Variants in MCPH1 observed in about 807,000 individuals in gnomAD.
MCPH1 encodes the protein microcephalin 1.
A neutral mutation model predicts 84.5 loss-of-function variants in MCPH1; 104 were observed. The ratio of observed to expected loss-of-function variants is 1.23; its 90% CI spans 1.05 to 1.45. MCPH1 has a LOEUF of 1.45. MCPH1 is among the 40% of genes most tolerant of loss of function. The probability of loss-of-function intolerance (pLI) is 0.00; values close to 1 mark genes in which losing one functional copy is unlikely to be tolerated. For synonymous variants in MCPH1, 514 were observed against 366.8 expected (o/e 1.40, Z -4.58); for missense variants, 1,498 against 1,005.7 (o/e 1.49, Z -6.62).
intron 10 of MCPH1, among the ~76,000 whole-genome samples, chr8:6,479,055 A>G (rs1808841535): frequency 2.0e-5 from 3 of 152,226 alleles, no homozygotes; most frequent in South Asian, 4.1e-4. Context: ...GTTTGAGCCT[A>G]GGAGTTCAAG....
chr8:6,523,006 T>C (rs73199054), intron 12 of MCPH1, among the ~76,000 whole-genome samples: 11,392 of 152,074 alleles, frequency 0.075, 507 homozygotes, highest in African/African-American at 0.12. Flanking sequence ...GTTTTTTTTT[T>C]TCTTTTTTTG....
At chr8:6,582,976 T>TTCTGCACGTACTTAC (rs1302651111) in intron 12 of MCPH1, among the ~76,000 whole-genome samples, 2 of 152,226 alleles carry the variant, frequency 1.3e-5, no homozygotes, top group Non-Finnish European at 1.5e-5. Flanking sequence ...TCTTCTGAAG[T>TTCTGCACGTACTTAC]TCTGCACGTA....
In MCPH1 at chr8:6,547,251, G is replaced by A. The variant is rs185634394; in HGVS notation, c.2214+47322G>A. Among the ~76,000 whole-genome samples the A allele has an allele frequency of 1.9e-3, 289 of 152,160 alleles. 2 individuals are homozygous for A. Among genetic ancestry groups the A allele is most frequent in the Non-Finnish European group, 3.3e-3 (223 of 67,996 alleles). On this transcript the variant is annotated intron_variant, in intron 12 of 13. Coordinates refer to ENST00000344683, the MANE Select transcript of MCPH1 (RefSeq NM_024596.5). ...TTACTTGCATGCCACAGCAATTCGG[G>A]AAGTAAACTTTCAGTGTGATTCTCC...
chr8:6,446,112 G>C (rs116567694), intron 8 of MCPH1: 4 of 968,002 alleles, frequency 4.1e-6, no homozygotes, highest in Non-Finnish European at 4.9e-6. Flanking sequence ...AACAAGCCTT[G>C]TTTAACTTGT....
chr8:6,428,972 G>C (rs1801454369), intron 3 of MCPH1, among the ~76,000 whole-genome samples: 1 of 152,160 alleles, frequency 6.6e-6, no homozygotes, highest in South Asian at 2.1e-4. Flanking sequence ...ATTATCTAGT[G>C]ACTTTCTGAT....
chr8:6,523,210 G>A (rs2922892), intron 12 of MCPH1, among the ~76,000 whole-genome samples: 11,578 of 152,014 alleles, frequency 0.076, 525 homozygotes, highest in African/African-American at 0.12. Context: ...TGTTAGCCAG[G>A]GTGGTCTCGA....
At chr8:6,527,840 C>G (rs1009654922) in intron 12 of MCPH1, among the ~76,000 whole-genome samples, 2 of 151,236 alleles carry the variant, frequency 1.3e-5, no homozygotes, top group Admixed American at 1.3e-4. Flanking sequence ...AGAAAAGGCT[C>G]AATGTCTTAG....
At position 6,445,885 on chromosome 8, in the gene MCPH1, G is replaced by A. The variant is rs557607043; in HGVS notation, c.1825+338G>A. On this transcript the variant is annotated intron_variant, in intron 8 of 13. Transcript: ENST00000344683. The stretch of plus-strand genomic sequence containing the variant: ...TCCATTGGAGTCTTGGCGCTGCAGC[G>A]TGTGTAAAGATGTATACGATAGAGA... The A allele has an allele frequency of 1.7e-3, 1,764 of 1,049,976 alleles. 3 individuals carry two copies. The highest frequency in any genetic ancestry group is 1.9e-3 in the Non-Finnish European group (1,681 of 871,596). The allele number at this position is 1,049,976 out of a possible 1,614,324, so 65.0% of individuals were successfully genotyped here. A position where few individuals can be genotyped will look rare whatever the true frequency, so the allele number is the denominator to read the frequency against.
intron 3 of MCPH1, among the ~76,000 whole-genome samples, chr8:6,421,562 TG>T (rs1800204914): frequency 6.6e-6 from 1 of 152,074 alleles, no homozygotes; most frequent in Admixed American, 6.6e-5. Flanking sequence ...AAAATTCAAA[TG>T]TTTACTATTT....
At chr8:6,586,922 G>C (rs1030215592) in intron 12 of MCPH1, among the ~76,000 whole-genome samples, 1 of 152,174 alleles carries the variant, frequency 6.6e-6, no homozygotes, top group Non-Finnish European at 1.5e-5. Flanking sequence ...CTTCCTTTCT[G>C]ATGGAAACAG....
At position 6,621,913 on chromosome 8, in the gene MCPH1, C is replaced by A. The variant is rs373210250; in HGVS notation, c.2452+222C>A. Reference sequence around the variant, plus strand: ...GTTCACGAGGAAATGGGAACTCTAACTGGACTTCCCCACTTGACTTCCCTG... The same window carrying A: ...GTTCACGAGGAAATGGGAACTCTAAATGGACTTCCCCACTTGACTTCCCTG... On this transcript the variant is annotated intron_variant, in intron 13 of 13. Transcript: ENST00000344683. 9.9e-5 allele frequency among the ~76,000 whole-genome samples: 15 copies of A among 152,212 alleles called. No individual in the cohort carries two copies. In the East Asian group the frequency reaches 1.3e-3, roughly 14 times the overall value.
rs1204171280 is a variant in MCPH1, at chr8:6,568,243, A to ATCGCTAGCTGAATGTGGAATGTGGACCCC, written c.2215-53183_2215-53182insCTCGCTAGCTGAATGTGGAATGTGGACCC. Among the ~76,000 whole-genome samples the ATCGCTAGCTGAATGTGGAATGTGGACCCC allele has an allele frequency of 2.8e-4, 33 of 118,338 alleles. 1 individual carries two copies. The highest frequency in any genetic ancestry group is 1.4e-3 in the African/African-American group (32 of 22,474). The allele number at this position is 118,338 out of a possible 152,430, so 77.6% of individuals were successfully genotyped here. ...GTGGAAGTGGGTGGCGCGTGGACCC[A>ATCGCTAGCTGAATGTGGAATGTGGACCCC]TCGCTAGCTGAATGTGGAATGTGGA... On this transcript the variant is annotated intron_variant, in intron 12 of 13. Transcript: ENST00000344683.
At chr8:6,640,004 G>C (rs1046266187) in intron 13 of MCPH1, among the ~76,000 whole-genome samples, 2 of 151,766 alleles carry the variant, frequency 1.3e-5, no homozygotes, top group South Asian at 4.2e-4. Flanking sequence ...CTCCCAAGTA[G>C]GCGGGACTAC....
chr8:6,478,655 C>T (rs1416638826), intron 10 of MCPH1, among the ~76,000 whole-genome samples: 2 of 152,206 alleles, frequency 1.3e-5, no homozygotes, highest in Non-Finnish European at 2.9e-5. Flanking sequence ...TTGTTACTTA[C>T]TGGCACATCC....
chr8:6,577,937 G>T (rs1162548937), intron 12 of MCPH1, among the ~76,000 whole-genome samples: 1 of 152,200 alleles, frequency 6.6e-6, no homozygotes, highest in African/African-American at 2.4e-5. Flanking sequence ...TTCCGAGATG[G>T]AGTGTCTGTG....
At chr8:6,634,529 A>C (rs1797402511) in intron 13 of MCPH1, among the ~76,000 whole-genome samples, 3 of 152,236 alleles carry the variant, frequency 2.0e-5, no homozygotes, top group Admixed American at 2.0e-4. Flanking sequence ...GGCACGCATA[A>C]GTGTAAACCT....
intron 12 of MCPH1, among the ~76,000 whole-genome samples, chr8:6,566,000 A>T (rs894278161): frequency 6.6e-6 from 1 of 152,210 alleles, no homozygotes; most frequent in African/African-American, 2.4e-5. Flanking sequence ...CCAGTGTCAG[A>T]TGGTAATTAT....
At chr8:6,626,503 G>A (rs1832096202) in intron 13 of MCPH1, 1 of 939,336 alleles carries the variant, frequency 1.1e-6, no homozygotes, top group Admixed American at 6.8e-5. Context: ...CGTTTTGAGA[G>A]AGCACACTTG....
chr8:6,552,993 A>G (rs745545481), intron 12 of MCPH1, among the ~76,000 whole-genome samples: 8 of 152,210 alleles, frequency 5.3e-5, no homozygotes, highest in Middle Eastern at 3.2e-3. Flanking sequence ...GAGGATTCTT[A>G]GGGCAGTGAA....
Sources: allele counts gnomAD v4.1 joint callset (sites outside exome capture counted in the v4.1 genomes callset), GRCh38; gene constraint gnomAD v4.1.1; transcripts MANE v1.5; gene names NCBI Gene and HGNC (gene_info 2026-07-23, HGNC 2026-07-21).